Variants in CTTNBP2 observed in about 807,000 individuals in gnomAD.
The protein encoded by CTTNBP2 is cortactin-binding protein 2.
CTTNBP2 carries 108 observed loss-of-function variants against 156.9 expected under a neutral mutation model. The observed-to-expected ratio is 0.69, with a 90% confidence interval of 0.59 to 0.81. The LOEUF (loss-of-function observed/expected upper bound fraction) is 0.81, where lower values mean the gene tolerates loss of function less well. CTTNBP2 is among the 30% of genes least tolerant of loss of function. The pLI, the probability that CTTNBP2 is intolerant of heterozygous loss-of-function variation, is 0.00. For synonymous variants in CTTNBP2, 767 were observed against 751.8 expected, an observed-to-expected ratio of 1.02 and a Z score of -0.33; for missense variants, 1,924 against 2,035.4, an observed-to-expected ratio of 0.95 and a Z score of 1.05.
intron 4 of CTTNBP2, among the ~76,000 whole-genome samples, chr7:117,790,835 T>C (rs1798952577): frequency 6.6e-6 from 1 of 152,192 alleles, no homozygotes; most frequent in South Asian, 2.1e-4. Flanking sequence ...CATGTAAATA[T>C]TTTAGTCTCT....
chr7:117,724,944 G>A (rs6973257), intron 18 of CTTNBP2, 108 bp downstream of exon 18: 299,028 of 1,118,646 alleles, frequency 0.27, 46,954 homozygotes, highest in African/African-American at 0.61. Context: ...ACTGCTATAA[G>A]ATGTATATTT....
At chr7:117,854,797 T>A (rs548333048) in intron 2 of CTTNBP2, among the ~76,000 whole-genome samples, 1 of 152,168 alleles carries the variant, frequency 6.6e-6, no homozygotes, top group East Asian at 1.9e-4. Flanking sequence ...TATTTATTTA[T>A]TTTTTGAGAC....
intron 2 of CTTNBP2, among the ~76,000 whole-genome samples, chr7:117,835,820 T>C (rs1563054441): frequency 6.6e-6 from 1 of 152,210 alleles, no homozygotes; most frequent in Non-Finnish European, 1.5e-5. Flanking sequence ...CTGCCTAGAT[T>C]TGAGTTTTGG....
In CTTNBP2 at chr7:117,871,528, C is replaced by T. The variant is rs572137927; in HGVS notation, c.81+1807G>A. On this transcript the variant is annotated intron_variant, in intron 1 of 22. Transcript: ENST00000160373. ...TTAACAAGGGTGAAATTATCAAATC[C>T]CCAACTATCAGCAGTGAAAATCAGA... is the stretch of plus-strand genomic sequence containing the variant. 3.6e-5 allele frequency: 6 copies of T among 166,274 alleles called. No homozygotes were observed. The East Asian group carries it at 9.7e-4, about 27-fold the overall frequency. The allele number at this position is 166,274 out of a possible 1,614,324, so 10.3% of individuals were successfully genotyped here.
chr7:117,859,569 C>T (rs1389517865), intron 2 of CTTNBP2, among the ~76,000 whole-genome samples: 1 of 152,212 alleles, frequency 6.6e-6, no homozygotes. Flanking sequence ...GGCTATACTA[C>T]TGGCCTTCGC....
rs60336055 is a variant in CTTNBP2, at chr7:117,799,915, CA to C, written c.415-7135del. 2.6e-3 allele frequency among the ~76,000 whole-genome samples: 398 copies of C among 152,046 alleles called. 3 individuals are homozygous for C. The highest frequency in any genetic ancestry group is 8.0e-3 in the African/African-American group (331 of 41,538). ...CAAATAATGCTATTTACAATAGCATCAAAAAATAAAATATGAGTAACAGCAA... is the reference window on the plus strand; with the variant it reads ...CAAATAATGCTATTTACAATAGCATCAAAAATAAAATATGAGTAACAGCAA... On this transcript the variant is annotated intron_variant, in intron 3 of 22. Transcript: ENST00000160373.
rs542327148 is a variant in CTTNBP2, at chr7:117,852,905, G to A, written c.189+8304C>T. The stretch of plus-strand genomic sequence containing the variant: ...TTTCATTAATGTTGCCTTTGGGGGA[G>A]AGACATGGTGAGGGCTAAGGTTAGG... On this transcript the variant is annotated intron_variant, in intron 2 of 22. Coordinates refer to ENST00000160373, the MANE Select transcript of CTTNBP2 (RefSeq NM_033427.3). 9.8e-5 allele frequency among the ~76,000 whole-genome samples: 15 copies of A among 152,292 alleles called. No individual in the cohort carries two copies. In the South Asian group the frequency reaches 2.9e-3, roughly 29 times the overall value.
chr7:117,724,532 A>T lies in CTTNBP2; in HGVS notation c.4447+15T>A. ...CCACCTCCTGGTAGGCAACATGCCT[A>T]CCCCCGCCCTTTACCTTCAGTGCTT... On this transcript the variant is annotated intron_variant, in intron 19 of 22. Coordinates refer to ENST00000160373, the MANE Select transcript of CTTNBP2 (RefSeq NM_033427.3). 1 of 1,592,788 alleles carries T rather than the reference A, an allele frequency of 6.3e-7. No individual in the cohort carries two copies.
intron 16 of CTTNBP2, 103 bp downstream of exon 16, chr7:117,734,810 G>T: frequency 1.2e-6 from 1 of 859,404 alleles, no homozygotes; most frequent in Non-Finnish European, 1.7e-6. Flanking sequence ...AGCTGTACCT[G>T]CCCAAGGCTG....
chr7:117,800,734 G>GA (rs892797039), intron 3 of CTTNBP2, among the ~76,000 whole-genome samples: 1 of 152,062 alleles, frequency 6.6e-6, no homozygotes, highest in Non-Finnish European at 1.5e-5. Context: ...TTAGATTCAG[G>GA]AATGTCAGTG....
At chr7:117,823,452 T>C (rs1563043955) in intron 2 of CTTNBP2, among the ~76,000 whole-genome samples, 1 of 152,210 alleles carries the variant, frequency 6.6e-6, no homozygotes, top group Non-Finnish European at 1.5e-5. Flanking sequence ...AATTTGAAAA[T>C]AAAAGAAATA....
chr7:117,777,841 T>C lies in CTTNBP2; in HGVS notation c.2524-76A>G, dbSNP rs932960796. Reference sequence around the variant, plus strand: ...AGGAAAATATTATTGAAAGTTCACTTCTAAATGTTCTTGGGCATGGACCAC... The same window carrying C: ...AGGAAAATATTATTGAAAGTTCACTCCTAAATGTTCTTGGGCATGGACCAC... On this transcript the variant is annotated intron_variant, in intron 7 of 22. Coordinates refer to ENST00000160373, the MANE Select transcript of CTTNBP2 (RefSeq NM_033427.3). 7.1e-6 allele frequency: 10 copies of C among 1,410,566 alleles called. No homozygotes were observed. In the African/African-American group the frequency reaches 1.4e-4, roughly 20 times the overall value. The allele number at this position is 1,410,566 out of a possible 1,614,324, so 87.4% of individuals were successfully genotyped here. A position where few individuals can be genotyped will look rare whatever the true frequency, so the allele number is the denominator to read the frequency against.
chr7:117,780,519 G>C lies in CTTNBP2; in HGVS notation c.2445C>G (p.Tyr815Ter). ...CTTTATTTCCATTTTTACAGGCCAG[G>C]TATAGAGGTGTCTGTCCTCCATCAG... Reference protein sequence around the residue: ...HAADGGQTPLYLACKNGNKEC... With the variant: ...HAADGGQTPL Residue 815 changes from tyrosine to a stop codon, truncating the protein, a stop_gained, in exon 7 of 23, where the codon TAC becomes TAG. Coordinates refer to ENST00000160373, the MANE Select transcript of CTTNBP2 (RefSeq NM_033427.3). LOFTEE classifies it high-confidence loss of function. 6.3e-7 allele frequency: 1 copy of C among 1,597,148 alleles called. No individual in the cohort carries two copies. Among genetic ancestry groups the C allele is most frequent in the Non-Finnish European group, 8.5e-7 (1 of 1,169,622 alleles).
chr7:117,802,476 A>AAAAC (rs1186538076), intron 3 of CTTNBP2, among the ~76,000 whole-genome samples: 1 of 151,226 alleles, frequency 6.6e-6, no homozygotes, highest in Non-Finnish European at 1.5e-5. Context: ...AACAAACAAA[A>AAAAC]AAACAAAAAA....
At chr7:117,812,297 A>G (rs1243983325) in intron 2 of CTTNBP2, among the ~76,000 whole-genome samples, 1 of 152,136 alleles carries the variant, frequency 6.6e-6, no homozygotes, top group Admixed American at 6.5e-5. Flanking sequence ...AAAAAAATCT[A>G]TGTCACTGCC....
chr7:117,817,007 T>A (rs1231360396), intron 2 of CTTNBP2, among the ~76,000 whole-genome samples: 1 of 151,994 alleles, frequency 6.6e-6, no homozygotes, highest in Non-Finnish European at 1.5e-5. Flanking sequence ...AACAGACTCT[T>A]AAAGGAACTC....
Position 117,773,694 on chromosome 7 carries a change from CACACACACACA to C in CTTNBP2, c.2778+3806_2778+3816del, listed in dbSNP as rs1219675538. On this transcript the variant is annotated intron_variant, in intron 8 of 22. Coordinates refer to ENST00000160373, the MANE Select transcript of CTTNBP2 (RefSeq NM_033427.3). ...ACACACACACACACACACACACACA[CACACACACACA>C]CACCCCAAAAAACAAAAAGCAGAAA... 1.6e-3 allele frequency among the ~76,000 whole-genome samples: 230 copies of C among 141,886 alleles called. 4 individuals carry two copies. The highest frequency in any genetic ancestry group is 6.2e-3 in the African/African-American group (222 of 35,824). 93.1% of individuals were successfully genotyped at this position (141,886 alleles called of 152,430 possible).
intron 3 of CTTNBP2, among the ~76,000 whole-genome samples, chr7:117,805,695 T>C (rs1799895495): frequency 6.6e-6 from 1 of 152,144 alleles, no homozygotes; most frequent in African/African-American, 2.4e-5. Context: ...TATTTTTTCC[T>C]ATCATCAATA....
intron 12 of CTTNBP2, among the ~76,000 whole-genome samples, chr7:117,751,261 A>C (rs1796605221): frequency 1.3e-5 from 2 of 152,344 alleles, no homozygotes; most frequent in South Asian, 4.1e-4. Flanking sequence ...GTGGCATTTT[A>C]AAGCAATAAA....
Sources: allele counts gnomAD v4.1 joint callset (sites outside exome capture counted in the v4.1 genomes callset), GRCh38; gene constraint gnomAD v4.1.1; transcripts MANE v1.5; gene names NCBI Gene and HGNC (gene_info 2026-07-23, HGNC 2026-07-21).